Variants in VSTM2L observed in about 807,000 individuals in gnomAD.
VSTM2L encodes the protein V-set and transmembrane domain containing 2 like, also known as V-set and transmembrane domain-containing protein 2-like protein.
Under a neutral mutation model 19.9 loss-of-function variants are expected in VSTM2L, and 9 were observed. That is an observed-to-expected ratio of 0.45 (90% CI 0.27 to 0.79). The LOEUF is 0.79. Among genes scored for constraint, VSTM2L ranks in the 30% least tolerant of loss-of-function variants. VSTM2L has a pLI of 0.15. For synonymous variants in VSTM2L, 127 were observed against 133.8 expected (o/e 0.95, Z 0.35); for missense variants, 286 against 295.5 (o/e 0.97, Z 0.24).
intron 1 of VSTM2L, among the ~76,000 whole-genome samples, chr20:37,904,283 C>G (rs1380773277): frequency 6.6e-6 from 1 of 152,198 alleles, no homozygotes; most frequent in Non-Finnish European, 1.5e-5. Context: ...TTTTGTCTGC[C>G]TCTGGGGATG....
intron 1 of VSTM2L, among the ~76,000 whole-genome samples, chr20:37,927,699 G>C (rs117118080): frequency 0.015 from 2,312 of 152,318 alleles, 156 homozygotes; most frequent in Admixed American, 0.11. Flanking sequence ...TCTGTCGGTT[G>C]GCAGGGGCGG....
chr20:37,905,126 T>A (rs756458276), intron 1 of VSTM2L, among the ~76,000 whole-genome samples: 2 of 152,032 alleles, frequency 1.3e-5, no homozygotes, highest in Non-Finnish European at 2.9e-5. Context: ...GACATTCATC[T>A]CCCTGTCAGA....
intron 1 of VSTM2L, among the ~76,000 whole-genome samples, chr20:37,926,181 C>A (rs2072878230): frequency 6.6e-6 from 1 of 152,202 alleles, no homozygotes; most frequent in South Asian, 2.1e-4. Context: ...CCTGCCTCAG[C>A]CTAACAAGTA....
intron 1 of VSTM2L, among the ~76,000 whole-genome samples, chr20:37,921,836 TCC>T: frequency 7.3e-6 from 1 of 136,106 alleles, no homozygotes; most frequent in African/African-American, 3.1e-5. Flanking sequence ...TTCTTTCTTT[TCC>T]TTTTTTTTTT....
At chr20:37,904,896 T>G (rs920285097) in intron 1 of VSTM2L, among the ~76,000 whole-genome samples, 3 of 152,166 alleles carry the variant, frequency 2.0e-5, no homozygotes, top group African/African-American at 7.2e-5. Flanking sequence ...GTAACTGCTG[T>G]GTGCATCATT....
At chr20:37,919,245 T>G (rs1231194167) in intron 1 of VSTM2L, among the ~76,000 whole-genome samples, 1 of 152,220 alleles carries the variant, frequency 6.6e-6, no homozygotes, top group East Asian at 1.9e-4. Context: ...ACAAAATGCC[T>G]TCTTCTTGGC....
Position 37,934,826 on chromosome 20 carries a change from A to G in VSTM2L, c.342+1237A>G, listed in dbSNP as rs116549815. Among the ~76,000 whole-genome samples, 413 of 152,212 alleles carry G rather than the reference A, an allele frequency of 2.7e-3. 4 individuals carry two copies. The highest frequency in any genetic ancestry group is 9.6e-3 in the African/African-American group (399 of 41,520). ...TCAGGCGGGAGGGGGTGGGCAAGAG[A>G]GCAAGGATCTTCAAAGCATCATTTG... On this transcript the variant is annotated intron_variant, in intron 3 of 3. Transcript: ENST00000373461.
At chr20:37,919,113 T>G (rs1170420394) in intron 1 of VSTM2L, among the ~76,000 whole-genome samples, 2 of 152,148 alleles carry the variant, frequency 1.3e-5, no homozygotes, top group East Asian at 1.9e-4. Context: ...GGGCCTGGCT[T>G]AGGGTAGGGG....
At chr20:37,915,617 A>G (rs2122947158) in intron 1 of VSTM2L, among the ~76,000 whole-genome samples, 1 of 152,172 alleles carries the variant, frequency 6.6e-6, no homozygotes, top group Admixed American at 6.5e-5. Context: ...TCAGAGATTC[A>G]CCTACCTTGA....
chr20:37,939,722 G>A lies in VSTM2L; in HGVS notation c.343-4259G>A, dbSNP rs574505143. On this transcript the variant is annotated intron_variant, in intron 3 of 3. Transcript: ENST00000373461. The stretch of plus-strand genomic sequence containing the variant: ...AGGTTCTCCGTTAGACTGTCAGCTC[G>A]TGCCAGCATTACCAGGATCTGGCTG... Among the ~76,000 whole-genome samples, 158 of 152,234 alleles carry A rather than the reference G, an allele frequency of 1.0e-3. 1 individual carries two copies. The highest frequency in any genetic ancestry group is 3.6e-3 in the African/African-American group (149 of 41,544).
intron 1 of VSTM2L, among the ~76,000 whole-genome samples, chr20:37,919,182 C>T (rs1438037317): frequency 6.6e-6 from 1 of 152,198 alleles, no homozygotes; most frequent in Non-Finnish European, 1.5e-5. Flanking sequence ...TCCTACTGCA[C>T]GCTGAGGCAG....
chr20:37,928,647 C>T (rs965891181), intron 1 of VSTM2L, among the ~76,000 whole-genome samples: 1 of 152,022 alleles, frequency 6.6e-6, no homozygotes, highest in African/African-American at 2.4e-5. Context: ...TCCAGCTACT[C>T]GGGGGGCTGA....
At chr20:37,914,148 CGTGT>C (rs926075088) in intron 1 of VSTM2L, among the ~76,000 whole-genome samples, 25 of 149,182 alleles carry the variant, frequency 1.7e-4, no homozygotes, top group East Asian at 1.6e-3. Flanking sequence ...TGTGTGTGTG[CGTGT>C]GTGTATGTGT....
chr20:37,936,225 C>A (rs184463834), intron 3 of VSTM2L, among the ~76,000 whole-genome samples: 3,741 of 151,986 alleles, frequency 0.025, 146 homozygotes, highest in African/African-American at 0.083. Context: ...TTCACATATG[C>A]GTACCGGTGA....
At chr20:37,903,511 C>T (rs994182588) in intron 1 of VSTM2L, 40 bp downstream of exon 1, 5 of 1,432,874 alleles carry the variant, frequency 3.5e-6, no homozygotes, top group Non-Finnish European at 4.6e-6. Flanking sequence ...CCCCACCAAA[C>T]CCCAACCCGG....
In VSTM2L at chr20:37,944,244, CA is replaced by C; in HGVS notation, c.607del (p.Ser203AlafsTer20). On this transcript the variant is annotated frameshift_variant, in exon 4 of 4. Coordinates refer to ENST00000373461, the MANE Select transcript of VSTM2L (RefSeq NM_080607.3). LOFTEE classifies it high-confidence loss of function. ...RKRSVDQEAC[S>X]L ...AGCGCTCGGTGGACCAGGAGGCCTGCAGCCTCTAGACTGATGCCCCTGCCCC... is the reference window on the plus strand; with the variant it reads ...AGCGCTCGGTGGACCAGGAGGCCTGCGCCTCTAGACTGATGCCCCTGCCCC... 1 of 1,505,400 alleles carries C rather than the reference CA, an allele frequency of 6.6e-7. No homozygotes were observed. The highest frequency in any genetic ancestry group is 8.9e-7 in the Non-Finnish European group (1 of 1,121,198). The allele number at this position is 1,505,400 out of a possible 1,614,324, so 93.3% of individuals were successfully genotyped here.
At chr20:37,904,731 G>A (rs1158781598) in intron 1 of VSTM2L, among the ~76,000 whole-genome samples, 2 of 152,190 alleles carry the variant, frequency 1.3e-5, no homozygotes, top group Non-Finnish European at 2.9e-5. Flanking sequence ...GTGAGTGGGG[G>A]TAAGGCAGGG....
intron 1 of VSTM2L, among the ~76,000 whole-genome samples, chr20:37,919,783 G>A (rs933709365): frequency 2.0e-5 from 3 of 152,188 alleles, no homozygotes; most frequent in African/African-American, 7.2e-5. Context: ...GGCTTCAGTG[G>A]GGGAAATTTT....
intron 2 of VSTM2L, 134 bp downstream of exon 2, chr20:37,931,938 C>T: frequency 1.8e-6 from 2 of 1,087,790 alleles, no homozygotes; most frequent in South Asian, 3.5e-5. Context: ...CAGCTGTCTC[C>T]CTCCCTTCTT....
Sources: allele counts gnomAD v4.1 joint callset (sites outside exome capture counted in the v4.1 genomes callset), GRCh38; gene constraint gnomAD v4.1.1; transcripts MANE v1.5; gene names NCBI Gene and HGNC (gene_info 2026-07-23, HGNC 2026-07-21).